The following CAGE1 variants were observed in gnomAD, a reference collection of about 807,000 sequenced individuals.
CAGE1 encodes cancer antigen 1, also known as cancer-associated gene 1 protein.
CAGE1 carries 66 observed loss-of-function variants against 94.9 expected under a neutral mutation model. The ratio of observed to expected loss-of-function variants is 0.70; its 90% CI spans 0.57 to 0.85. The LOEUF (loss-of-function observed/expected upper bound fraction) is 0.85. Ranked by LOEUF, CAGE1 falls within the 40% of genes least tolerant of loss-of-function variation. CAGE1 has a pLI of 0.00. For missense variants in CAGE1, 865 were observed against 950.4 expected, an observed-to-expected ratio of 0.91 and a Z score of 1.18; for synonymous variants, 319 against 321.0, an observed-to-expected ratio of 0.99 and a Z score of 0.07.
At chr6:7,383,340 T>C (rs1240599459) in intron 3 of CAGE1, among the ~76,000 whole-genome samples, 2 of 152,230 alleles carry the variant, frequency 1.3e-5, no homozygotes, top group African/African-American at 4.8e-5. Context: ...AGTTAGAACT[T>C]TGCAGTTCAC....
At chr6:7,381,616 C>T (rs1194743438) in intron 3 of CAGE1, among the ~76,000 whole-genome samples, 1 of 151,392 alleles carries the variant, frequency 6.6e-6, no homozygotes, top group South Asian at 2.1e-4. Context: ...GCAACCTCCA[C>T]CTCCTGGGTT....
At chr6:7,343,885 G>A (rs571134551) in intron 11 of CAGE1, among the ~76,000 whole-genome samples, 1 of 152,162 alleles carries the variant, frequency 6.6e-6, no homozygotes, top group African/African-American at 2.4e-5. Context: ...GACAAAGATA[G>A]AACAAGTCTC....
intron 11 of CAGE1, among the ~76,000 whole-genome samples, chr6:7,337,787 T>G (rs1327676256): frequency 1.3e-5 from 2 of 152,238 alleles, no homozygotes; most frequent in African/African-American, 4.8e-5. Flanking sequence ...AATCAGAGTT[T>G]CCCTCCCATT....
chr6:7,385,723 C>A (rs1761098230), intron 3 of CAGE1, 62 bp downstream of exon 3: 2 of 935,532 alleles, frequency 2.1e-6, no homozygotes, highest in South Asian at 1.8e-5. Flanking sequence ...GCTATTGTTA[C>A]TATCACGGAA....
chr6:7,377,411 C>T (rs1033106345), intron 4 of CAGE1, among the ~76,000 whole-genome samples: 2 of 152,148 alleles, frequency 1.3e-5, no homozygotes, highest in African/African-American at 2.4e-5. Context: ...GTAAATAAGA[C>T]ATTATAGTCA....
chr6:7,351,421 AG>A (rs1229104996), intron 11 of CAGE1, among the ~76,000 whole-genome samples: 5 of 152,098 alleles, frequency 3.3e-5, no homozygotes, highest in African/African-American at 1.2e-4. Context: ...AGGTAGAGAA[AG>A]AGAAAACCCT....
rs1759075320 is a variant in CAGE1, at chr6:7,339,135, T to A, written c.2370-5045A>T. On this transcript the variant is annotated intron_variant, in intron 11 of 13. Transcript: ENST00000502583. The surrounding 1 kb of genome is among the most constrained non-coding windows in gnomAD (Gnocchi z 4.7). ...CACAAACTTCATGGATTTAGCTCTC[T>A]GTCCTCAGAGTTTCCCAGACACCAC... 20 of 1,560,250 alleles carry A rather than the reference T, an allele frequency of 1.3e-5. No individual in the cohort carries two copies. The South Asian group carries it at 2.2e-4, about 17-fold the overall frequency.
intron 11 of CAGE1, among the ~76,000 whole-genome samples, chr6:7,349,932 C>CAAA (rs761682237): frequency 2.6e-5 from 2 of 77,664 alleles, no homozygotes; most frequent in Non-Finnish European, 5.3e-5. Context: ...ACACTTGTCT[C>CAAA]AAAAAAAAAA....
chr6:7,368,670 G>A lies in CAGE1; in HGVS notation c.2004+18C>T, dbSNP rs1418860926. On this transcript the variant is annotated intron_variant, in intron 7 of 13. Transcript: ENST00000502583. ...ACTAAAAATAATAAAATTTTTAGAAGAAGAATAAATATAATACCTCTTTAT... is the reference window on the plus strand; with the variant it reads ...ACTAAAAATAATAAAATTTTTAGAAAAAGAATAAATATAATACCTCTTTAT... 5 of 1,229,984 alleles carry A rather than the reference G, an allele frequency of 4.1e-6. No individual in the cohort carries two copies. Among genetic ancestry groups the A allele is most frequent in the Non-Finnish European group, 5.6e-6 (5 of 892,720 alleles). The allele number at this position is 1,229,984 out of a possible 1,614,324, so 76.2% of individuals were successfully genotyped here.
chr6:7,358,781 C>T (rs1308292665), intron 9 of CAGE1, among the ~76,000 whole-genome samples: 1 of 152,150 alleles, frequency 6.6e-6, no homozygotes, highest in African/African-American at 2.4e-5. Flanking sequence ...GATTGCACCA[C>T]TACACTTCAG....
intron 12 of CAGE1, among the ~76,000 whole-genome samples, chr6:7,333,662 A>C (rs1251499119): frequency 8.3e-5 from 9 of 108,864 alleles, no homozygotes; most frequent in Admixed American, 2.9e-4. Context: ...ATATATATAT[A>C]TATATATATA....
At chr6:7,332,260 T>A (rs771235712) in intron 12 of CAGE1, among the ~76,000 whole-genome samples, 1 of 152,172 alleles carries the variant, frequency 6.6e-6, no homozygotes, top group African/African-American at 2.4e-5. Flanking sequence ...AGCTTGGCAA[T>A]TGGCTAATGC....
intron 11 of CAGE1, 78 bp downstream of exon 11, chr6:7,354,963 G>T: frequency 9.0e-7 from 1 of 1,111,098 alleles, no homozygotes; most frequent in Non-Finnish European, 1.3e-6. Flanking sequence ...CTAGGAGTCT[G>T]AAAAAAAGAA....
chr6:7,331,084 T>C (rs1353188608), intron 12 of CAGE1, among the ~76,000 whole-genome samples: 1 of 152,218 alleles, frequency 6.6e-6, no homozygotes, highest in Non-Finnish European at 1.5e-5. Flanking sequence ...ATAGTTAACC[T>C]ATCACTTGCA....
intron 7 of CAGE1, among the ~76,000 whole-genome samples, 178 bp downstream of exon 7, chr6:7,368,507 CAAT>C (rs1479309772): frequency 6.6e-6 from 1 of 151,846 alleles, no homozygotes; most frequent in Non-Finnish European, 1.5e-5. Context: ...TACAGACAAA[CAAT>C]AAAACAAGTC....
At chr6:7,386,859 T>C (rs1456679229) in intron 2 of CAGE1, 120 bp downstream of exon 2, 5 of 733,210 alleles carry the variant, frequency 6.8e-6, no homozygotes, top group Non-Finnish European at 1.1e-5. Flanking sequence ...ATTCCCCTCC[T>C]TTATGTGTCC....
chr6:7,329,018 G>A (rs538587770), intron 13 of CAGE1: 12 of 183,256 alleles, frequency 6.5e-5, no homozygotes, highest in East Asian at 2.5e-4. Context: ...TGCAACTTCC[G>A]CCTCTTGGAT....
intron 11 of CAGE1, chr6:7,338,969 A>T: frequency 6.2e-7 from 1 of 1,609,866 alleles, no homozygotes; most frequent in South Asian, 1.1e-5. Context: ...GGGGCTTCTT[A>T]GGGCCAATCT....
At chr6:7,352,800 C>T (rs547236823) in intron 11 of CAGE1, among the ~76,000 whole-genome samples, 30 of 152,220 alleles carry the variant, frequency 2.0e-4, no homozygotes, top group African/African-American at 7.2e-4. Flanking sequence ...GGGGAAAGGA[C>T]ACCCTTTTCA....
Sources: allele counts gnomAD v4.1 joint callset (sites outside exome capture counted in the v4.1 genomes callset), GRCh38; gene constraint gnomAD v4.1.1; non-coding constraint Gnocchi (gnomAD v3.1); transcripts MANE v1.5; gene names NCBI Gene and HGNC (gene_info 2026-07-23, HGNC 2026-07-21).